Variants in ERICH1 observed in about 807,000 individuals in gnomAD.
ERICH1 encodes the protein glutamate rich 1.
A neutral mutation model predicts 39.6 loss-of-function variants in ERICH1; 56 were observed. The ratio of observed to expected loss-of-function variants is 1.41; its 90% CI spans 1.14 to 1.77. The LOEUF (loss-of-function observed/expected upper bound fraction) is 1.77, where lower values mean the gene tolerates loss of function less well. ERICH1 is among the 40% of genes most tolerant of loss of function. The pLI is 0.00. For synonymous variants in ERICH1, 313 were observed against 223.6 expected (o/e 1.40, Z -3.57); for missense variants, 826 against 575.4 (o/e 1.44, Z -4.45).
chr8:627,044 C>T (rs191140316), intron 3 of ERICH1: 10 of 448,564 alleles, frequency 2.2e-5, no homozygotes, highest in African/African-American at 1.0e-4. Context: ...TCTGTCTCCT[C>T]GGAGGGCCAG....
intron 2 of ERICH1, among the ~76,000 whole-genome samples, chr8:704,797 G>A (rs1373783092): frequency 2.0e-5 from 3 of 152,140 alleles, no homozygotes; most frequent in African/African-American, 4.8e-5. Flanking sequence ...AAGCAACAGT[G>A]TAAGTGCGTG....
intron 2 of ERICH1, among the ~76,000 whole-genome samples, chr8:699,689 ACT>A (rs1161463694): frequency 6.8e-6 from 1 of 147,064 alleles, no homozygotes; most frequent in African/African-American, 2.7e-5. Context: ...ACGTGCACAG[ACT>A]CACACAGGCG....
chr8:629,480 C>G (rs1563166595), intron 3 of ERICH1, among the ~76,000 whole-genome samples: 1 of 143,940 alleles, frequency 6.9e-6, no homozygotes, highest in Non-Finnish European at 1.5e-5. Context: ...CCCACACAGA[C>G]AGAGCTGACT....
At chr8:636,199 TC>T (rs1320231141) in intron 3 of ERICH1, among the ~76,000 whole-genome samples, 1 of 152,144 alleles carries the variant, frequency 6.6e-6, no homozygotes, top group Non-Finnish European at 1.5e-5. Context: ...CCGAGCTGAA[TC>T]CCTGCGCCCC....
intron 1 of ERICH1, among the ~76,000 whole-genome samples, chr8:726,240 G>A (rs1220944003): frequency 6.6e-6 from 1 of 152,210 alleles, no homozygotes; most frequent in Non-Finnish European, 1.5e-5. Context: ...TCACAGGCAA[G>A]TTGCAGGGTA....
At chr8:658,202 C>T (rs542952885) in intron 3 of ERICH1, among the ~76,000 whole-genome samples, 2 of 152,350 alleles carry the variant, frequency 1.3e-5, no homozygotes, top group South Asian at 4.1e-4. Flanking sequence ...CCACCCTCAC[C>T]ACAGGAACAG....
chr8:728,316 G>C (rs562706085), intron 1 of ERICH1, among the ~76,000 whole-genome samples: 1 of 152,310 alleles, frequency 6.6e-6, no homozygotes, highest in South Asian at 2.1e-4. Flanking sequence ...ACCAACACGA[G>C]ATGTCCTGAC....
intron 3 of ERICH1, among the ~76,000 whole-genome samples, chr8:629,802 C>T (rs1185563308): frequency 7.0e-6 from 1 of 142,222 alleles, no homozygotes; most frequent in Admixed American, 6.8e-5. Flanking sequence ...CTGACTCACA[C>T]CCTCCTGTGA....
intron 3 of ERICH1, among the ~76,000 whole-genome samples, chr8:686,945 C>CGG (rs5888811): frequency 3.3e-5 from 5 of 151,976 alleles, no homozygotes; most frequent in South Asian, 2.1e-4. Context: ...GAATGCGGAG[C>CGG]GGGGGGCAGC....
Position 673,274 on chromosome 8 carries a change from C to T in ERICH1, c.1063+15G>A. On this transcript the variant is annotated intron_variant, in intron 4 of 5. Coordinates refer to ENST00000262109, the MANE Select transcript of ERICH1 (RefSeq NM_207332.3). ...TGGATGTCACTATGCAAGAGAAAAA[C>T]AGTAAAAAACATACCGTCATAAAAA... is the stretch of plus-strand genomic sequence containing the variant. 6.3e-7 allele frequency: 1 copy of T among 1,580,996 alleles called. No individual in the cohort carries two copies. The highest frequency in any genetic ancestry group is 1.8e-5 in the Admixed American group (1 of 56,920).
intron 3 of ERICH1, among the ~76,000 whole-genome samples, chr8:683,551 A>T (rs756538690): frequency 1.3e-5 from 2 of 152,202 alleles, no homozygotes; most frequent in East Asian, 1.9e-4. Context: ...AGTAATTTCC[A>T]AAGACAACAA....
chr8:679,382 A>G (rs1310839495), intron 3 of ERICH1, among the ~76,000 whole-genome samples: 1 of 60,286 alleles, frequency 1.7e-5, no homozygotes, highest in Non-Finnish European at 3.2e-5. Context: ...CACAGCACCC[A>G]CCCCTCACAG....
At chr8:623,641 T>C (rs753174856) in intron 3 of ERICH1, among the ~76,000 whole-genome samples, 1 of 152,214 alleles carries the variant, frequency 6.6e-6, no homozygotes, top group Non-Finnish European at 1.5e-5. Context: ...ATTACCATTT[T>C]GTGTGCATGA....
intron 3 of ERICH1, among the ~76,000 whole-genome samples, chr8:684,213 A>C (rs1339950403): frequency 6.6e-6 from 1 of 152,232 alleles, no homozygotes; most frequent in Admixed American, 6.5e-5. Context: ...CCCTTAAATA[A>C]AACTGTCAAA....
chr8:666,318 ATC>A (rs1802232127), intron 5 of ERICH1: 1 of 152,232 alleles, frequency 6.6e-6, no homozygotes, highest in African/African-American at 2.4e-5. Flanking sequence ...GCTTACTTTC[ATC>A]TCTCATAAAA....
chr8:664,041 G>A (rs541969225), downstream of ERICH1, among the ~76,000 whole-genome samples: 1 of 152,172 alleles, frequency 6.6e-6, no homozygotes, highest in Non-Finnish European at 1.5e-5. Context: ...TTACAGGCGT[G>A]AGCCACCGCA....
At chr8:665,959 G>T (rs904011646) in intron 5 of ERICH1, 17 of 152,306 alleles carry the variant, frequency 1.1e-4, no homozygotes, top group African/African-American at 4.1e-4. Context: ...GGCCAAGTCT[G>T]CATTAAACAA....
chr8:621,496 A>C (rs1797278527), intron 3 of ERICH1, among the ~76,000 whole-genome samples: 1 of 151,768 alleles, frequency 6.6e-6, no homozygotes, highest in African/African-American at 2.4e-5. Flanking sequence ...TATGTTAATA[A>C]AAATTTTTTA....
chr8:629,679 C>A (rs1797844386), intron 3 of ERICH1, among the ~76,000 whole-genome samples: 1 of 148,176 alleles, frequency 6.7e-6, no homozygotes, highest in Non-Finnish European at 1.5e-5. Context: ...AGAGACAGAG[C>A]TGACTCACAC....
Sources: allele counts gnomAD v4.1 joint callset (sites outside exome capture counted in the v4.1 genomes callset), GRCh38; gene constraint gnomAD v4.1.1; transcripts MANE v1.5; gene names NCBI Gene and HGNC (gene_info 2026-07-23, HGNC 2026-07-21).